NRDC: variants seen among roughly 807,000 people sequenced by gnomAD.
The protein encoded by NRDC is nardilysin.
Under a neutral mutation model 147.1 loss-of-function variants are expected in NRDC, and 54 were observed. The observed-to-expected ratio is 0.37, with a 90% CI of 0.29 to 0.46. The LOEUF (loss-of-function observed/expected upper bound fraction) is 0.46. NRDC is among the 20% of genes least tolerant of loss of function. NRDC has a pLI of 1.00. For missense variants in NRDC, 1,082 were observed against 1,370.6 expected (o/e 0.79, Z 3.33); for synonymous variants, 440 against 482.1 (o/e 0.91, Z 1.14).
In NRDC at chr1:51,812,076, TC is replaced by T. The variant is rs1353082050; in HGVS notation, c.1696del (p.Glu566LysfsTer34). 6.2e-7 allele frequency: 1 copy of T among 1,613,624 alleles called. No individual in the cohort carries two copies. The highest frequency in any genetic ancestry group is 1.1e-5 in the South Asian group (1 of 91,068). On this transcript the variant is annotated frameshift_variant, in exon 15 of 31. Transcript: ENST00000352171. LOFTEE classifies it high-confidence loss of function. ...QEQTDPVEYV[E>X]NMCENMQLYP... is the part of the protein sequence containing the mutation. The stretch of plus-strand genomic sequence containing the variant: ...CAGCTGCATGTTCTCACACATGTTT[TC>T]CACATACTCAACTGGATCTGTCTGT...
At chr1:51,870,696 T>C (rs2124127455) in intron 1 of NRDC, among the ~76,000 whole-genome samples, 1 of 152,290 alleles carries the variant, frequency 6.6e-6, no homozygotes, top group East Asian at 1.9e-4. Context: ...CTCTCTAAAA[T>C]GAGCCTCTCT....
At chr1:51,796,089 C>T (rs1420275202) in intron 22 of NRDC, among the ~76,000 whole-genome samples, 1 of 152,142 alleles carries the variant, frequency 6.6e-6, no homozygotes, top group Non-Finnish European at 1.5e-5. Flanking sequence ...CTATGTTGCC[C>T]AGGCTGGTCT....
chr1:51,789,577 G>A lies in NRDC; in HGVS notation c.3249C>T (p.Leu1083=), dbSNP rs1678476396. The A allele has an allele frequency of 6.2e-7, 1 of 1,613,074 alleles. No individual in the cohort carries two copies. Among genetic ancestry groups the A allele is most frequent in the South Asian group, 1.1e-5 (1 of 91,060 alleles). The change falls in exon 30 of 31, where the codon CTC becomes CTT. Residue 1083 remains leucine (L), a synonymous_variant. Transcript: ENST00000352171. ...AGTTAAACATACTCACATGAACGCT[G>A]AGCATTTTACTTCCTGGCCCTCTAT... The part of the protein sequence containing the change: ...KAHRGPGSKM[L]SVHVVGYGKY...
chr1:51,848,249 G>C (rs577963902), intron 1 of NRDC, among the ~76,000 whole-genome samples: 2 of 152,342 alleles, frequency 1.3e-5, no homozygotes, highest in South Asian at 4.1e-4. Flanking sequence ...GCCAAGGCGG[G>C]CGGATCACAA....
chr1:51,826,699 C>T (rs1197836711), intron 5 of NRDC, among the ~76,000 whole-genome samples: 1 of 152,168 alleles, frequency 6.6e-6, no homozygotes, highest in Non-Finnish European at 1.5e-5. Context: ...AGATCATGAA[C>T]AAAAGCACAA....
intron 9 of NRDC, 96 bp downstream of exon 9, chr1:51,819,704 G>C: frequency 1.1e-6 from 1 of 935,792 alleles, no homozygotes; most frequent in Non-Finnish European, 1.7e-6. Flanking sequence ...ATTTTCTGTT[G>C]TGTTCTCATT....
chr1:51,873,960 A>C (rs1683206148), intron 1 of NRDC, among the ~76,000 whole-genome samples: 1 of 151,270 alleles, frequency 6.6e-6, no homozygotes, highest in South Asian at 2.1e-4. Flanking sequence ...AGGCAGAGGC[A>C]GGCAGATCTC....
intron 18 of NRDC, among the ~76,000 whole-genome samples, chr1:51,806,566 T>C (rs1467220274): frequency 6.6e-6 from 1 of 152,160 alleles, no homozygotes; most frequent in African/African-American, 2.4e-5. Context: ...AAGTAGGTGA[T>C]ATACACAGGG....
chr1:51,813,432 C>T (rs915005691), intron 14 of NRDC, among the ~76,000 whole-genome samples: 2 of 152,084 alleles, frequency 1.3e-5, no homozygotes, highest in African/African-American at 2.4e-5. Flanking sequence ...AGTGAGTAAA[C>T]GACAGGCAGA....
At chr1:51,796,594 T>G (rs1678926478) in intron 22 of NRDC, among the ~76,000 whole-genome samples, 1 of 144,272 alleles carries the variant, frequency 6.9e-6, no homozygotes, top group South Asian at 2.2e-4. Context: ...ATCTCAACTT[T>G]TTTTTTTTTT....
At chr1:51,811,098 T>C (rs1679693132) in intron 15 of NRDC, among the ~76,000 whole-genome samples, 1 of 152,062 alleles carries the variant, frequency 6.6e-6, no homozygotes, top group South Asian at 2.1e-4. Context: ...AAACAACAAA[T>C]GGTGGTTCAG....
chr1:51,850,106 G>A (rs1403055567), intron 1 of NRDC, among the ~76,000 whole-genome samples: 1 of 151,928 alleles, frequency 6.6e-6, no homozygotes, highest in East Asian at 1.9e-4. Flanking sequence ...GAACCCAGGA[G>A]GCGGAGGTTG....
At chr1:51,816,462 G>T in intron 10 of NRDC, 73 bp from the exon 11 acceptor site, 1 of 709,202 alleles carries the variant, frequency 1.4e-6, no homozygotes, top group Non-Finnish European at 2.3e-6. Flanking sequence ...TACCTCTAAG[G>T]CTACAATAAT....
chr1:51,845,548 G>A (rs1412277975), intron 1 of NRDC, among the ~76,000 whole-genome samples: 1 of 152,118 alleles, frequency 6.6e-6, no homozygotes, highest in Admixed American at 6.5e-5. Context: ...AGCCAGGATT[G>A]CACCACAGCA....
chr1:51,854,213 C>A (rs1682125535), intron 1 of NRDC, among the ~76,000 whole-genome samples: 1 of 151,984 alleles, frequency 6.6e-6, no homozygotes, highest in Non-Finnish European at 1.5e-5. Context: ...ACTAAAAATA[C>A]AAAAAATAGC....
At chr1:51,871,802 T>C (rs1186389700) in intron 1 of NRDC, among the ~76,000 whole-genome samples, 5 of 152,188 alleles carry the variant, frequency 3.3e-5, no homozygotes, top group African/African-American at 1.2e-4. Context: ...CTACAGCAGA[T>C]CATAAGCTTC....
intron 1 of NRDC, among the ~76,000 whole-genome samples, chr1:51,849,046 A>G (rs1456984101): frequency 2.6e-5 from 4 of 152,150 alleles, no homozygotes; most frequent in Non-Finnish European, 4.4e-5. Context: ...AAAGATACCA[A>G]TTCTTCCCCC....
intron 1 of NRDC, among the ~76,000 whole-genome samples, chr1:51,856,348 G>A (rs1682240298): frequency 6.6e-6 from 1 of 152,090 alleles, no homozygotes; most frequent in Admixed American, 6.6e-5. Context: ...AATAGCATCA[G>A]ATCCCCCAGG....
chr1:51,819,885 A>G lies in NRDC; in HGVS notation c.1218-12T>C, dbSNP rs2149207495. The G allele has an allele frequency of 1.3e-6, 2 of 1,590,740 alleles. No homozygotes were observed. Among genetic ancestry groups the G allele is most frequent in the Non-Finnish European group, 1.7e-6 (2 of 1,163,974 alleles). On this transcript the variant is annotated splice_polypyrimidine_tract_variant and intron_variant, in intron 8 of 30. Transcript: ENST00000352171. The stretch of plus-strand genomic sequence containing the variant: ...GTCTGGGTAACCCACTGAAAATAAA[A>G]CAAATACATACAAATTTAACTGGCA...
Sources: allele counts gnomAD v4.1 joint callset (sites outside exome capture counted in the v4.1 genomes callset), GRCh38; gene constraint gnomAD v4.1.1; transcripts MANE v1.5; gene names NCBI Gene and HGNC (gene_info 2026-07-23, HGNC 2026-07-21).